GUCY1A2: variants seen among roughly 807,000 people sequenced by gnomAD.
GUCY1A2 encodes guanylate cyclase soluble subunit alpha-2.
A neutral mutation model predicts 63.5 loss-of-function variants in GUCY1A2; 27 were observed. The observed-to-expected ratio is 0.43, with a 90% confidence interval of 0.31 to 0.59. GUCY1A2 has a LOEUF of 0.59. GUCY1A2 is among the 20% of genes least tolerant of loss of function. The pLI is 0.11. For synonymous variants in GUCY1A2, 364 were observed against 343.5 expected (o/e 1.06, Z -0.66); for missense variants, 768 against 913.3 (o/e 0.84, Z 2.05).
At chr11:106,986,498 C>G (rs969408628) in intron 1 of GUCY1A2, among the ~76,000 whole-genome samples, 2 of 152,116 alleles carry the variant, frequency 1.3e-5, no homozygotes, top group Non-Finnish European at 2.9e-5. Context: ...TCCTTTCCAG[C>G]ATATGTAATC....
chr11:106,857,938 A>G (rs1859459787), intron 4 of GUCY1A2, among the ~76,000 whole-genome samples: 1 of 152,146 alleles, frequency 6.6e-6, no homozygotes, highest in Non-Finnish European at 1.5e-5. Flanking sequence ...GGGATCCTGG[A>G]ACAAATCCAG....
At chr11:106,822,989 G>A (rs1025467334) in intron 4 of GUCY1A2, among the ~76,000 whole-genome samples, 4 of 152,018 alleles carry the variant, frequency 2.6e-5, no homozygotes, top group Non-Finnish European at 5.9e-5. Context: ...TAGTGCCAGG[G>A]TTTGGACTGC....
At chr11:106,886,137 A>T (rs1268581279) in intron 4 of GUCY1A2, among the ~76,000 whole-genome samples, 1 of 152,188 alleles carries the variant, frequency 6.6e-6, no homozygotes, top group Non-Finnish European at 1.5e-5. Flanking sequence ...CAGAAAGGAT[A>T]ATATTTTATA....
intron 4 of GUCY1A2, among the ~76,000 whole-genome samples, chr11:106,932,091 T>G (rs1032899931): frequency 6.6e-6 from 1 of 152,120 alleles, no homozygotes; most frequent in Non-Finnish European, 1.5e-5. Flanking sequence ...AAGGAACAGT[T>G]AAAGGAAGAT....
intron 4 of GUCY1A2, among the ~76,000 whole-genome samples, chr11:106,915,063 C>T (rs932883945): frequency 6.6e-6 from 1 of 152,120 alleles, no homozygotes; most frequent in Non-Finnish European, 1.5e-5. Context: ...AAGCAGGAAA[C>T]TCACTGCTAG....
chr11:106,755,419 ATTC>A (rs1163944181), intron 6 of GUCY1A2, among the ~76,000 whole-genome samples: 1 of 151,708 alleles, frequency 6.6e-6, no homozygotes, highest in Non-Finnish European at 1.5e-5. Flanking sequence ...TTACTTCTCT[ATTC>A]TTTTAATTGT....
intron 1 of GUCY1A2, among the ~76,000 whole-genome samples, chr11:106,999,381 G>C (rs558375624): frequency 2.0e-5 from 3 of 152,244 alleles, no homozygotes; most frequent in South Asian, 2.1e-4. Flanking sequence ...TGATAGGCTT[G>C]ACTTTAATAT....
chr11:106,888,844 C>T (rs1332066954), intron 4 of GUCY1A2, among the ~76,000 whole-genome samples: 8 of 152,158 alleles, frequency 5.3e-5, no homozygotes, highest in African/African-American at 1.9e-4. Context: ...GGCCCATTCT[C>T]TACCTTAGAA....
At chr11:106,928,474 C>G (rs1860558233) in intron 4 of GUCY1A2, among the ~76,000 whole-genome samples, 2 of 151,816 alleles carry the variant, frequency 1.3e-5, no homozygotes, top group African/African-American at 4.8e-5. Context: ...TTTGACCCCC[C>G]TGTATCTCCA....
chr11:107,001,794 G>A lies in GUCY1A2; in HGVS notation c.304-15663C>T, dbSNP rs112929312. Among the ~76,000 whole-genome samples the A allele has an allele frequency of 6.0e-3, 909 of 152,142 alleles. 8 individuals carry two copies. Among genetic ancestry groups the A allele is most frequent in the African/African-American group, 0.021 (873 of 41,492 alleles). ...AGAACTTTGGGAGGCAAAGGCAGGC[G>A]GATCACCTGAGGTCAGGAGTTCAAG... is the stretch of plus-strand genomic sequence containing the variant. On this transcript the variant is annotated intron_variant, in intron 1 of 7. Coordinates refer to ENST00000526355, the MANE Select transcript of GUCY1A2 (RefSeq NM_000855.3).
At chr11:106,879,033 T>A (rs1859789379) in intron 4 of GUCY1A2, among the ~76,000 whole-genome samples, 1 of 152,116 alleles carries the variant, frequency 6.6e-6, no homozygotes, top group East Asian at 1.9e-4. Context: ...TGTTCAACAC[T>A]ATTTTCTCTA....
At chr11:106,778,493 A>C (rs907764993) in intron 5 of GUCY1A2, among the ~76,000 whole-genome samples, 1 of 152,156 alleles carries the variant, frequency 6.6e-6, no homozygotes, top group Non-Finnish European at 1.5e-5. Context: ...CCCCATCTCT[A>C]CTAAAAGTAC....
intron 3 of GUCY1A2, among the ~76,000 whole-genome samples, chr11:106,978,413 T>G (rs1235390046): frequency 6.6e-6 from 1 of 152,206 alleles, no homozygotes; most frequent in Non-Finnish European, 1.5e-5. Flanking sequence ...TTTGTTTTGA[T>G]GTTTTTCCAT....
intron 4 of GUCY1A2, among the ~76,000 whole-genome samples, chr11:106,913,685 C>T (rs1860326998): frequency 6.6e-6 from 1 of 151,934 alleles, no homozygotes; most frequent in Non-Finnish European, 1.5e-5. Context: ...AAATCCAGTA[C>T]CTAAATGAGG....
chr11:106,682,498 A>G lies in GUCY1A2; in HGVS notation c.*5051T>C, dbSNP rs977271547. On this transcript the variant is annotated 3_prime_UTR_variant, in exon 8 of 8. Coordinates refer to ENST00000526355, the MANE Select transcript of GUCY1A2 (RefSeq NM_000855.3). ...GGAATTCTTATGAAGCCAGCCAGAT[A>G]CTTCCAAGCAGATCAGCTGAACCAC... The G allele has an allele frequency of 1.5e-4, 31 of 210,352 alleles. No individual in the cohort carries two copies. Among genetic ancestry groups the G allele is most frequent in the African/African-American group, 6.8e-4 (30 of 44,242 alleles). 13.0% of individuals were successfully genotyped at this position (210,352 alleles called of 1,614,324 possible). A position where few individuals can be genotyped will look rare whatever the true frequency, so the allele number is the denominator to read the frequency against.
In GUCY1A2 at chr11:106,810,003, T is replaced by C; in HGVS notation, c.1682A>G (p.Asp561Gly). ...TRFDHQCGFL[D>G]IYKVETIGDA... ...ACTAAACTCCCTTACCTTATAAATA[T>C]CCAAAAATCCACACTGGTGGTCAAA... Residue 561 changes from aspartate (D) to glycine (G), a missense_variant, in exon 5 of 8, where the codon GAT (aspartate) becomes GGT (glycine). Transcript: ENST00000526355. 1 of 1,597,282 alleles carries C rather than the reference T, an allele frequency of 6.3e-7. No homozygotes were observed. Among genetic ancestry groups the C allele is most frequent in the Non-Finnish European group, 8.6e-7 (1 of 1,165,850 alleles).
intron 6 of GUCY1A2, among the ~76,000 whole-genome samples, chr11:106,716,935 G>A (rs1863227326): frequency 6.6e-6 from 1 of 152,136 alleles, no homozygotes; most frequent in Non-Finnish European, 1.5e-5. Flanking sequence ...AGTTGTCAGA[G>A]TGAGGGGGAC....
intron 4 of GUCY1A2, among the ~76,000 whole-genome samples, chr11:106,811,102 T>C (rs1858756207): frequency 6.6e-6 from 1 of 152,130 alleles, no homozygotes; most frequent in East Asian, 1.9e-4. Flanking sequence ...CATGTTCATA[T>C]AAGCTAAAAA....
At chr11:106,866,258 A>C (rs1303945174) in intron 4 of GUCY1A2, among the ~76,000 whole-genome samples, 2 of 151,882 alleles carry the variant, frequency 1.3e-5, no homozygotes, top group Non-Finnish European at 2.9e-5. Flanking sequence ...AAAAAAAATG[A>C]AAGAAGGAAG....
Sources: gnomAD v4.1 joint callset for allele counts (sites outside exome capture counted in the v4.1 genomes callset) on GRCh38, gnomAD v4.1.1 for gene constraint, MANE v1.5 for transcripts, NCBI Gene and HGNC (gene_info 2026-07-23, HGNC 2026-07-21) for gene names.